SIMC1: variants seen among roughly 807,000 people sequenced by gnomAD.
The protein encoded by SIMC1 is SUMO-interacting motif-containing protein 1.
SIMC1 carries 55 observed loss-of-function variants against 82.3 expected under a neutral mutation model. That is an observed-to-expected ratio of 0.67 (90% CI 0.54 to 0.84). The LOEUF (loss-of-function observed/expected upper bound fraction) is 0.84. Among genes scored for constraint, SIMC1 ranks in the 40% least tolerant of loss-of-function variants. SIMC1 has a pLI of 0.00. For synonymous variants in SIMC1, 353 were observed against 426.3 expected (o/e 0.83, Z 2.12); for missense variants, 915 against 1,107.2 (o/e 0.83, Z 2.46).
chr5:176,302,518 C>A (rs1277269866), intron 4 of SIMC1, among the ~76,000 whole-genome samples: 1 of 152,170 alleles, frequency 6.6e-6, no homozygotes. Context: ...GCTCTTGCCA[C>A]TTCTATTCAA....
chr5:176,307,938 A>C, intron 4 of SIMC1: 1 of 557,144 alleles, frequency 1.8e-6, no homozygotes, highest in Non-Finnish European at 3.2e-6. Flanking sequence ...CATACATTCA[A>C]ATGTTCAAAG....
In SIMC1 at chr5:176,315,956, C is replaced by T. The variant is rs1444452220; in HGVS notation, c.1889+2111C>T. Among the ~76,000 whole-genome samples the T allele has an allele frequency of 2.6e-5, 4 of 152,022 alleles. No individual in the cohort carries two copies. In the East Asian group the frequency reaches 5.8e-4, roughly 22 times the overall value. On this transcript the variant is annotated intron_variant, in intron 5 of 9. Transcript: ENST00000429602. Reference sequence around the variant, plus strand: ...TTGGGAGGCCAAGGCGGGCAGATCACCTGAGCCCAGGAGTTCAAGACCAGC... The same window carrying T: ...TTGGGAGGCCAAGGCGGGCAGATCATCTGAGCCCAGGAGTTCAAGACCAGC...
intron 1 of SIMC1, among the ~76,000 whole-genome samples, chr5:176,241,757 G>T (rs556462524): frequency 1.3e-5 from 2 of 151,140 alleles, no homozygotes; most frequent in South Asian, 4.2e-4. Context: ...GTAAGCAAGA[G>T]AAAAATGTTA....
chr5:176,289,538 A>G (rs1181200562), intron 1 of SIMC1, 116 bp from the exon 2 acceptor site: 20 of 779,524 alleles, frequency 2.6e-5, no homozygotes, highest in Non-Finnish European at 3.9e-5. Flanking sequence ...TGTGTAACTT[A>G]TCAGTGAGGT....
At chr5:176,260,255 G>A (rs1761971730) in intron 1 of SIMC1, among the ~76,000 whole-genome samples, 1 of 152,076 alleles carries the variant, frequency 6.6e-6, no homozygotes, top group African/African-American at 2.4e-5. Flanking sequence ...CCTCATAAGT[G>A]GGAGCTAAAC....
chr5:176,322,401 A>G lies in SIMC1; in HGVS notation c.2018A>G (p.Asn673Ser), dbSNP rs770644911. 5 of 1,609,684 alleles carry G rather than the reference A, an allele frequency of 3.1e-6. No homozygotes were observed. The highest frequency in any genetic ancestry group is 1.7e-4 in the Middle Eastern group (1 of 6,056). The change falls in exon 6 of 10, where the codon AAC becomes AGC. Residue 673 changes from asparagine to serine, a missense_variant. Asn to Ser is a conservative substitution (Grantham distance 46). This residue lies in a region of SIMC1 where 902 missense variants were observed against 1,040.3 expected (regional missense o/e 0.87). Coordinates refer to ENST00000429602, the MANE Select transcript of SIMC1 (RefSeq NM_001308195.2). ...AGTAGCCACCCTTCTTCCCAGCCCA[A>G]CCTGACAAAGAACACCAATCAGCTG... ...ASSSHPSSQPNLTKNTNQLIV... is the reference protein window; with the variant it reads ...ASSSHPSSQPSLTKNTNQLIV...
At chr5:176,276,592 C>T (rs184874483) in intron 1 of SIMC1, among the ~76,000 whole-genome samples, 16,928 of 109,216 alleles carry the variant, frequency 0.15, 1,388 homozygotes, top group Middle Eastern at 0.27. Context: ...TGCTATCCCT[C>T]CCCCCTCCCC....
At position 176,313,827 on chromosome 5, in the gene SIMC1, A is replaced by G. The variant is rs752566710; in HGVS notation, c.1871A>G (p.Lys624Arg). The change falls in exon 5 of 10, where the codon AAG (lysine) becomes AGG (arginine). Residue 624 changes from lysine (K) to arginine (R), a missense_variant. Lys to Arg is a conservative substitution (Grantham distance 26, BLOSUM62 2). Transcript: ENST00000429602. Reference sequence around the variant, plus strand: ...GCAAACATGGTGCTTTCCTGTGACAAGCAGCCCCACAATGTCAGGTAAGCA... The same window carrying G: ...GCAAACATGGTGCTTTCCTGTGACAGGCAGCCCCACAATGTCAGGTAAGCA... Reference protein sequence around the residue: ...SIANMVLSCDKQPHNVRDVIK... With the variant: ...SIANMVLSCDRQPHNVRDVIK... 4 of 1,613,684 alleles carry G rather than the reference A, an allele frequency of 2.5e-6. No homozygotes were observed. The highest frequency in any genetic ancestry group is 1.7e-4 in the Middle Eastern group (1 of 5,794).
intron 1 of SIMC1, among the ~76,000 whole-genome samples, chr5:176,288,361 T>C (rs979029015): frequency 2.6e-5 from 4 of 151,618 alleles, no homozygotes; most frequent in Non-Finnish European, 5.9e-5. Context: ...TGAGCCAAGA[T>C]TGTACCACTG....
intron 5 of SIMC1, among the ~76,000 whole-genome samples, chr5:176,314,893 G>C (rs892865798): frequency 1.9e-4 from 29 of 152,122 alleles, no homozygotes; most frequent in Non-Finnish European, 1.6e-4. Context: ...TAGATAAACT[G>C]TTCAACACTT....
intron 7 of SIMC1, among the ~76,000 whole-genome samples, chr5:176,329,980 G>A (rs560465907): frequency 4.6e-5 from 7 of 152,232 alleles, no homozygotes; most frequent in South Asian, 2.1e-4. Flanking sequence ...ATACACATAC[G>A]TCTGTGTGTA....
At chr5:176,313,485 G>A (rs745748906) in intron 4 of SIMC1, 2 of 1,552,332 alleles carry the variant, frequency 1.3e-6, no homozygotes, top group Non-Finnish European at 1.7e-6. Flanking sequence ...ACCTTATAAG[G>A]TATGATTTTT....
At chr5:176,345,068 A>G in intron 9 of SIMC1, 115 bp from the exon 10 acceptor site, 2 of 1,358,266 alleles carry the variant, frequency 1.5e-6, no homozygotes, top group Non-Finnish European at 2.0e-6. Flanking sequence ...TTCGACTTGT[A>G]TCCCTGTAGC....
In SIMC1 at chr5:176,300,519, G is replaced by GC. The variant is rs1366720697; in HGVS notation, c.1734+4200dup. Among the ~76,000 whole-genome samples, 556 of 150,604 alleles carry GC rather than the reference G, an allele frequency of 3.7e-3. 3 individuals carry two copies. The highest frequency in any genetic ancestry group is 0.013 in the African/African-American group (528 of 41,226). ...TATTTTTTGTCGAGGTGGGAATCTAGCTAAGTTGCCCAGGCTGGTCTTGAA... is the reference window on the plus strand; with the variant it reads ...TATTTTTTGTCGAGGTGGGAATCTAGCCTAAGTTGCCCAGGCTGGTCTTGAA... On this transcript the variant is annotated intron_variant, in intron 4 of 9. Coordinates refer to ENST00000429602, the MANE Select transcript of SIMC1 (RefSeq NM_001308195.2).
intron 1 of SIMC1, among the ~76,000 whole-genome samples, chr5:176,270,031 A>G (rs1581233173): frequency 2.0e-5 from 3 of 151,680 alleles, no homozygotes; most frequent in Non-Finnish European, 4.4e-5. Flanking sequence ...TGCTGGGATT[A>G]CAGGCATGCA....
chr5:176,329,895 G>C (rs1765564917), intron 7 of SIMC1, among the ~76,000 whole-genome samples: 4 of 152,192 alleles, frequency 2.6e-5, no homozygotes, highest in African/African-American at 9.7e-5. Flanking sequence ...GTATCAGTAT[G>C]AACTTGTGGT....
At chr5:176,318,527 A>G (rs1297366873) in intron 5 of SIMC1, among the ~76,000 whole-genome samples, 1 of 152,098 alleles carries the variant, frequency 6.6e-6, no homozygotes, top group Non-Finnish European at 1.5e-5. Flanking sequence ...CATAAATTTG[A>G]GAGTCCTCTT....
At chr5:176,282,079 T>C (rs1763035756) in intron 1 of SIMC1, among the ~76,000 whole-genome samples, 2 of 152,258 alleles carry the variant, frequency 1.3e-5, no homozygotes, top group Non-Finnish European at 2.9e-5. Context: ...TGTGGTGGGC[T>C]TCACCCAGTT....
intron 7 of SIMC1, among the ~76,000 whole-genome samples, chr5:176,327,290 A>T (rs1765435917): frequency 6.6e-6 from 1 of 152,204 alleles, no homozygotes; most frequent in Non-Finnish European, 1.5e-5. Flanking sequence ...CTTGGCCTTT[A>T]CCTTGATTTA....
Sources: gnomAD v4.1 joint callset for allele counts (sites outside exome capture counted in the v4.1 genomes callset) on GRCh38, gnomAD v4.1.1 for gene constraint, gnomAD v4.1.1 regional missense constraint, MANE v1.5 for transcripts, NCBI Gene and HGNC (gene_info 2026-07-23, HGNC 2026-07-21) for gene names.